The following CACNA2D3 variants were observed in gnomAD, a reference collection of about 807,000 sequenced individuals.
CACNA2D3 encodes the protein calcium voltage-gated channel auxiliary subunit alpha2delta 3, also known as voltage-dependent calcium channel subunit alpha-2/delta-3.
Under a neutral mutation model 160.6 loss-of-function variants are expected in CACNA2D3, and 60 were observed. The observed-to-expected ratio is 0.37, with a 90% CI of 0.30 to 0.46. The LOEUF (loss-of-function observed/expected upper bound fraction) is 0.46, where lower values mean the gene tolerates loss of function less well. Among genes scored for constraint, CACNA2D3 ranks in the 20% least tolerant of loss-of-function variants. The pLI is 1.00. For missense variants in CACNA2D3, 1,205 were observed against 1,365.0 expected, an observed-to-expected ratio of 0.88 and a Z score of 1.85; for synonymous variants, 558 against 492.9, an observed-to-expected ratio of 1.13 and a Z score of -1.75.
At chr3:54,999,030 G>A (rs112057530) in intron 31 of CACNA2D3, among the ~76,000 whole-genome samples, 23,529 of 152,166 alleles carry the variant, frequency 0.15, 2,105 homozygotes, top group East Asian at 0.32. Context: ...ACAGGCGTGA[G>A]CCACCGCGCC....
chr3:54,330,124 T>A (rs1447375642), intron 3 of CACNA2D3, among the ~76,000 whole-genome samples: 1 of 152,160 alleles, frequency 6.6e-6, no homozygotes, highest in Non-Finnish European at 1.5e-5. Flanking sequence ...CCAGGCTTAC[T>A]GGCAGCCTGA....
chr3:54,901,986 C>T (rs1360323142), intron 27 of CACNA2D3, among the ~76,000 whole-genome samples: 2 of 152,120 alleles, frequency 1.3e-5, no homozygotes, highest in African/African-American at 2.4e-5. Flanking sequence ...CACTGTTTAC[C>T]ACTCTAAAAT....
chr3:54,590,510 T>C (rs1702837838), intron 9 of CACNA2D3, among the ~76,000 whole-genome samples: 1 of 152,194 alleles, frequency 6.6e-6, no homozygotes, highest in African/African-American at 2.4e-5. Context: ...GTCTTGATCA[T>C]ATCAATGTCA....
At chr3:54,412,951 T>C (rs1336707450) in intron 4 of CACNA2D3, among the ~76,000 whole-genome samples, 1 of 151,890 alleles carries the variant, frequency 6.6e-6, no homozygotes, top group African/African-American at 2.4e-5. Flanking sequence ...GACAATAATA[T>C]ATTTACCTAC....
intron 2 of CACNA2D3, among the ~76,000 whole-genome samples, chr3:54,136,372 T>A (rs1001221507): frequency 1.3e-5 from 2 of 152,242 alleles, no homozygotes; most frequent in African/African-American, 2.4e-5. Context: ...TGCTTTCTTT[T>A]GGGTAGAATA....
chr3:54,201,049 C>T (rs1034666193), intron 2 of CACNA2D3, among the ~76,000 whole-genome samples: 4 of 152,066 alleles, frequency 2.6e-5, no homozygotes, highest in African/African-American at 7.2e-5. Context: ...AGTGTGTGGC[C>T]GGTCTGAAAT....
chr3:54,602,183 A>C (rs1703071448), intron 9 of CACNA2D3, among the ~76,000 whole-genome samples: 2 of 152,132 alleles, frequency 1.3e-5, no homozygotes, highest in African/African-American at 4.8e-5. Flanking sequence ...CTTGTTCAAA[A>C]ATTATTATGA....
At chr3:54,761,368 T>C (rs1702077353) in intron 12 of CACNA2D3, among the ~76,000 whole-genome samples, 1 of 152,240 alleles carries the variant, frequency 6.6e-6, no homozygotes. Flanking sequence ...TAGCTTGTCC[T>C]CTGTGTCAAG....
chr3:54,950,146 T>C (rs1484129818), intron 27 of CACNA2D3, among the ~76,000 whole-genome samples: 4 of 152,224 alleles, frequency 2.6e-5, no homozygotes, highest in East Asian at 3.8e-4. Flanking sequence ...AAGTGAAAAG[T>C]AGGGAACTGG....
At chr3:54,745,745 C>T (rs557750129) in intron 11 of CACNA2D3, among the ~76,000 whole-genome samples, 1 of 152,306 alleles carries the variant, frequency 6.6e-6, no homozygotes, top group South Asian at 2.1e-4. Context: ...TAACAAAACA[C>T]ATGGCCATAG....
intron 29 of CACNA2D3, among the ~76,000 whole-genome samples, chr3:54,979,098 C>A (rs975174588): frequency 1.3e-5 from 2 of 152,168 alleles, no homozygotes; most frequent in Admixed American, 1.3e-4. Context: ...CCAAGCCTAG[C>A]CATGGGTTTG....
In CACNA2D3 at chr3:54,311,206, G is replaced by A. The variant is rs1462442205; in HGVS notation, c.205-9236G>A. Among the ~76,000 whole-genome samples the A allele has an allele frequency of 2.6e-5, 4 of 152,156 alleles. No homozygotes were observed. The East Asian group carries it at 7.7e-4, about 29-fold the overall frequency. ...GGAGTAAGCTGAGGGAGACAGAGTA[G>A]GAACTACATCACTCTATCCCCACTG... On this transcript the variant is annotated intron_variant, in intron 2 of 37. Transcript: ENST00000474759.
intron 27 of CACNA2D3, among the ~76,000 whole-genome samples, chr3:54,957,659 GGGCCTTT>G (rs1701934372): frequency 1.3e-5 from 2 of 151,624 alleles, no homozygotes; most frequent in Admixed American, 1.3e-4. Flanking sequence ...TACGACTGAT[GGGCCTTT>G]GGCAAACTCA....
At chr3:54,960,231 C>A (rs112501595) in intron 27 of CACNA2D3, among the ~76,000 whole-genome samples, 1 of 152,144 alleles carries the variant, frequency 6.6e-6, no homozygotes, top group Non-Finnish European at 1.5e-5. Context: ...TCTTCTGCTG[C>A]GGCCTTGTCA....
At position 54,371,626 on chromosome 3, in the gene CACNA2D3, T is replaced by G. The variant is rs1357638550; in HGVS notation, c.322-15089T>G. Among the ~76,000 whole-genome samples the G allele has an allele frequency of 2.6e-5, 4 of 152,208 alleles. No homozygotes were observed. The East Asian group carries it at 7.7e-4, about 29-fold the overall frequency. ...TCCAATTTCCATCACTCAAGTAAGA[T>G]CTCTCCTCCCATTGACATTTATTTG... On this transcript the variant is annotated intron_variant, in intron 3 of 37. Coordinates refer to ENST00000474759, the MANE Select transcript of CACNA2D3 (RefSeq NM_018398.3).
At chr3:54,126,541 T>C (rs775784467) in intron 2 of CACNA2D3, among the ~76,000 whole-genome samples, 1 of 152,228 alleles carries the variant, frequency 6.6e-6, no homozygotes, top group Non-Finnish European at 1.5e-5. Flanking sequence ...TTTTTTCTTC[T>C]GTCTTTACTG....
chr3:54,253,599 G>A (rs529480339), intron 2 of CACNA2D3, among the ~76,000 whole-genome samples: 2 of 152,098 alleles, frequency 1.3e-5, no homozygotes, highest in African/African-American at 4.8e-5. Flanking sequence ...ACAATTGGAC[G>A]TGAGATTTGG....
At position 54,763,645 on chromosome 3, in the gene CACNA2D3, G is replaced by GTA. The variant is rs574071349; in HGVS notation, c.1247-565_1247-564dup. On this transcript the variant is annotated intron_variant, in intron 12 of 37. Coordinates refer to ENST00000474759, the MANE Select transcript of CACNA2D3 (RefSeq NM_018398.3). The stretch of plus-strand genomic sequence containing the variant: ...ACATATACTGTGTGTGTGTGTGTGT[G>GTA]TATATATATGTGTGTGTGTGTGTGT... Among the ~76,000 whole-genome samples the GTA allele has an allele frequency of 4.4e-4, 56 of 128,612 alleles. 1 individual carries two copies. The East Asian group carries it at 9.7e-3, about 22-fold the overall frequency. 84.4% of individuals were successfully genotyped at this position (128,612 alleles called of 152,430 possible). A position where few individuals can be genotyped will look rare whatever the true frequency, so the allele number is the denominator to read the frequency against.
intron 13 of CACNA2D3, among the ~76,000 whole-genome samples, chr3:54,807,149 G>A (rs544905687): frequency 1.3e-5 from 2 of 152,198 alleles, no homozygotes; most frequent in African/African-American, 4.8e-5. Context: ...CATGGGCAAG[G>A]ACTTCATGTC....
Sources: allele counts gnomAD v4.1 joint callset (sites outside exome capture counted in the v4.1 genomes callset), GRCh38; gene constraint gnomAD v4.1.1; transcripts MANE v1.5; gene names NCBI Gene and HGNC (gene_info 2026-07-23, HGNC 2026-07-21).